The following TAFA4 variants were observed in gnomAD, a reference collection of about 807,000 sequenced individuals.
TAFA4 encodes chemokine-like protein TAFA-4.
A neutral mutation model predicts 21.1 loss-of-function variants in TAFA4; 20 were observed. The observed-to-expected ratio is 0.95, with a 90% CI of 0.67 to 1.38. The LOEUF is 1.38. Among genes scored for constraint, TAFA4 ranks in the 40% most tolerant of loss-of-function variants. The pLI, the probability that TAFA4 is intolerant of heterozygous loss-of-function variation, is 0.00. For missense variants in TAFA4, 211 were observed against 180.9 expected (o/e 1.17, Z -0.95); for synonymous variants, 71 against 67.4 (o/e 1.05, Z -0.26).
At position 68,732,984 on chromosome 3, in the gene TAFA4, G is replaced by T; in HGVS notation, c.*158C>A. The T allele has an allele frequency of 1.2e-6, 1 of 830,648 alleles. No homozygotes were observed. The highest frequency in any genetic ancestry group is 1.9e-6 in the Non-Finnish European group (1 of 532,748). The allele number at this position is 830,648 out of a possible 1,614,324, so 51.5% of individuals were successfully genotyped here. ...AAAATCACGAAGCAGAGAGGGCTGG[G>T]CCAGTTAAGTGAATGCCACCTCTCA... On this transcript the variant is annotated 3_prime_UTR_variant, in exon 6 of 6. Transcript: ENST00000295569.
At chr3:68,881,781 T>TGA (rs1204229423) in intron 2 of TAFA4, among the ~76,000 whole-genome samples, 1 of 152,172 alleles carries the variant, frequency 6.6e-6, no homozygotes, top group Admixed American at 6.5e-5. Context: ...ACATGGTACC[T>TGA]GAGTTTGGCT....
chr3:68,882,696 C>T (rs528402648), intron 2 of TAFA4, among the ~76,000 whole-genome samples: 3 of 152,140 alleles, frequency 2.0e-5, no homozygotes, highest in South Asian at 2.1e-4. Context: ...CATCCAATAC[C>T]GGAATTTGAG....
intron 3 of TAFA4, 25 bp downstream of exon 3, chr3:68,880,705 T>C (rs771764731): frequency 1.3e-6 from 2 of 1,592,942 alleles, no homozygotes; most frequent in Non-Finnish European, 1.7e-6. Flanking sequence ...ATCTCAGCAG[T>C]GCATAATGAG....
chr3:68,810,726 T>C (rs540063584), intron 3 of TAFA4, among the ~76,000 whole-genome samples: 30 of 152,330 alleles, frequency 2.0e-4, no homozygotes, highest in Middle Eastern at 3.4e-3. Context: ...TGTCTGCCTC[T>C]GCAGACTCCA....
intron 4 of TAFA4, among the ~76,000 whole-genome samples, chr3:68,752,249 C>T (rs909118565): frequency 6.6e-6 from 1 of 152,122 alleles, no homozygotes. Flanking sequence ...TCTAACACGG[C>T]GTCTGCTGGA....
At chr3:68,767,419 C>CATAAGCT (rs1414238359) in intron 3 of TAFA4, among the ~76,000 whole-genome samples, 8 of 151,916 alleles carry the variant, frequency 5.3e-5, no homozygotes, top group Non-Finnish European at 1.2e-4. Flanking sequence ...TCATAAAATG[C>CATAAGCT]ATAAGCTACA....
At chr3:68,746,287 G>C (rs1229416687) in intron 4 of TAFA4, among the ~76,000 whole-genome samples, 1 of 152,054 alleles carries the variant, frequency 6.6e-6, no homozygotes, top group Non-Finnish European at 1.5e-5. Flanking sequence ...CCTTGTTACT[G>C]TGTGAGTTAA....
rs181640761 is a variant in TAFA4 at position 68,731,815 on chromosome 3, T to A, written c.*1327A>T. ...TACTTATTCATATGATCATAACAAA[T>A]ATTCAAAAATTACGCCAACAAATCT... On this transcript the variant is annotated 3_prime_UTR_variant, in exon 6 of 6. Transcript: ENST00000295569. The A allele has an allele frequency of 1.3e-5, 2 of 152,216 alleles. No homozygotes were observed. The highest frequency in any genetic ancestry group is 4.8e-5 in the African/African-American group (2 of 41,554). 9.4% of individuals were successfully genotyped at this position (152,216 alleles called of 1,614,324 possible). A position where few individuals can be genotyped will look rare whatever the true frequency, so the allele number is the denominator to read the frequency against.
At chr3:68,770,959 A>T (rs1243443082) in intron 3 of TAFA4, among the ~76,000 whole-genome samples, 2 of 152,202 alleles carry the variant, frequency 1.3e-5, no homozygotes, top group Non-Finnish European at 2.9e-5. Context: ...GCGGCTGGAC[A>T]TCAAGAGGAG....
chr3:68,758,702 C>G (rs980168360), intron 3 of TAFA4, among the ~76,000 whole-genome samples: 4 of 152,172 alleles, frequency 2.6e-5, no homozygotes, highest in Non-Finnish European at 5.9e-5. Context: ...TTTGTAATTT[C>G]CTGGCACAGG....
chr3:68,889,780 C>T (rs1031714467), intron 1 of TAFA4, among the ~76,000 whole-genome samples: 4 of 151,652 alleles, frequency 2.6e-5, no homozygotes, highest in African/African-American at 9.7e-5. Flanking sequence ...TCATGAAAGA[C>T]AAAAAAAATT....
At chr3:68,869,030 A>T (rs2089451150) in intron 3 of TAFA4, among the ~76,000 whole-genome samples, 1 of 152,048 alleles carries the variant, frequency 6.6e-6, no homozygotes, top group South Asian at 2.1e-4. Flanking sequence ...AGAAAGAAAA[A>T]AAAGAACACA....
intron 3 of TAFA4, among the ~76,000 whole-genome samples, chr3:68,822,469 C>A (rs900823175): frequency 6.6e-6 from 1 of 152,086 alleles, no homozygotes; most frequent in Non-Finnish European, 1.5e-5. Context: ...TGCTAAAATT[C>A]TTTTTTTCTC....
chr3:68,739,575 T>C (rs1043945138), intron 4 of TAFA4, among the ~76,000 whole-genome samples: 1 of 152,172 alleles, frequency 6.6e-6, no homozygotes, highest in Admixed American at 6.5e-5. Flanking sequence ...CCTGCACTCA[T>C]ATGTTTATCA....
intron 3 of TAFA4, among the ~76,000 whole-genome samples, chr3:68,849,818 C>T (rs189252049): frequency 9.8e-5 from 15 of 152,314 alleles, no homozygotes; most frequent in Middle Eastern, 3.4e-3. Context: ...CACAAAGGAT[C>T]CATTACTGAA....
At chr3:68,787,422 G>A (rs948440374) in intron 3 of TAFA4, among the ~76,000 whole-genome samples, 3 of 152,118 alleles carry the variant, frequency 2.0e-5, no homozygotes, top group Admixed American at 2.0e-4. Flanking sequence ...GGGGAGATAA[G>A]GAGAAGATAA....
At chr3:68,843,989 G>T (rs1049959340) in intron 3 of TAFA4, among the ~76,000 whole-genome samples, 1 of 152,058 alleles carries the variant, frequency 6.6e-6, no homozygotes, top group Admixed American at 6.5e-5. Flanking sequence ...TTTTTTTGTT[G>T]TGTCTCTGCC....
intron 1 of TAFA4, among the ~76,000 whole-genome samples, chr3:68,902,337 A>G (rs576485830): frequency 6.6e-6 from 1 of 151,874 alleles, no homozygotes; most frequent in South Asian, 2.1e-4. Flanking sequence ...TTTTACCCAT[A>G]CCACCATTTT....
At chr3:68,848,853 T>C (rs1312702630) in intron 3 of TAFA4, among the ~76,000 whole-genome samples, 2 of 152,126 alleles carry the variant, frequency 1.3e-5, no homozygotes, top group African/African-American at 4.8e-5. Flanking sequence ...AGTGACAGGC[T>C]GTCTCCTTTC....
Sources: gnomAD v4.1 joint callset for allele counts (sites outside exome capture counted in the v4.1 genomes callset) on GRCh38, gnomAD v4.1.1 for gene constraint, MANE v1.5 for transcripts, NCBI Gene and HGNC (gene_info 2026-07-23, HGNC 2026-07-21) for gene names.